Variants in SUPT3H observed in about 807,000 individuals in gnomAD.
SUPT3H encodes the protein SPT3 homolog, SAGA and STAGA complex component.
Under a neutral mutation model 44.3 loss-of-function variants are expected in SUPT3H, and 44 were observed. The observed-to-expected ratio is 0.99, with a 90% CI of 0.78 to 1.28. The LOEUF is 1.28. Among genes scored for constraint, SUPT3H ranks in the 50% most tolerant of loss-of-function variants. The probability of loss-of-function intolerance (pLI) is 0.00; values close to 1 mark genes in which losing one functional copy is unlikely to be tolerated. For synonymous variants in SUPT3H, 124 were observed against 125.6 expected, an observed-to-expected ratio of 0.99 and a Z score of 0.09; for missense variants, 380 against 387.1, an observed-to-expected ratio of 0.98 and a Z score of 0.15.
intron 2 of SUPT3H, among the ~76,000 whole-genome samples, chr6:45,259,262 G>A (rs539943622): frequency 6.6e-6 from 1 of 151,894 alleles, no homozygotes; most frequent in Non-Finnish European, 1.5e-5. Context: ...TTTTCAATTG[G>A]GGGGGAGGGT....
At chr6:44,880,857 C>A (rs138553044) in intron 10 of SUPT3H, among the ~76,000 whole-genome samples, 5 of 152,260 alleles carry the variant, frequency 3.3e-5, no homozygotes, top group Middle Eastern at 3.4e-3. Context: ...AAAATAAAAT[C>A]CTTTACGGAC....
intron 10 of SUPT3H, among the ~76,000 whole-genome samples, chr6:44,835,170 A>G (rs1769594152): frequency 6.6e-6 from 1 of 152,150 alleles, no homozygotes; most frequent in South Asian, 2.1e-4. Flanking sequence ...TGGAAGTCTT[A>G]CTATGGCTAT....
chr6:45,123,767 T>C (rs1802013044), intron 2 of SUPT3H, among the ~76,000 whole-genome samples: 1 of 152,118 alleles, frequency 6.6e-6, no homozygotes, highest in Non-Finnish European at 1.5e-5. Context: ...ACAATGGCCA[T>C]CACAATACCA....
rs576590482 is a variant in SUPT3H, at chr6:45,042,868, G to A, written c.187-22236C>T. ...GCCAAATGTCCAACAATGATAGAAT[G>A]GATTAAGAAAATGTGGAAAATTAGT... On this transcript the variant is annotated intron_variant, in intron 3 of 10. Coordinates refer to ENST00000371459, the MANE Select transcript of SUPT3H (RefSeq NM_003599.4). Among the ~76,000 whole-genome samples the A allele has an allele frequency of 1.2e-4, 18 of 151,974 alleles. No homozygotes were observed. The East Asian group carries it at 3.3e-3, about 28-fold the overall frequency.
intron 2 of SUPT3H, among the ~76,000 whole-genome samples, chr6:45,233,967 A>T (rs548216342): frequency 6.6e-6 from 1 of 152,362 alleles, no homozygotes; most frequent in South Asian, 2.1e-4. Flanking sequence ...ATTACTAAAA[A>T]CAACTAAAAT....
intron 2 of SUPT3H, among the ~76,000 whole-genome samples, chr6:45,289,861 TG>T (rs2149855542): frequency 6.6e-6 from 1 of 152,298 alleles, no homozygotes; most frequent in Admixed American, 6.5e-5. Context: ...GAATTATGAT[TG>T]TTTTTAACAG....
At chr6:45,204,065 T>C (rs928988564) in intron 2 of SUPT3H, among the ~76,000 whole-genome samples, 8 of 151,772 alleles carry the variant, frequency 5.3e-5, no homozygotes, top group African/African-American at 1.9e-4. Context: ...TGGCCAACAT[T>C]GTGAAACCCC....
chr6:45,211,885 C>T (rs1764154276), intron 2 of SUPT3H, among the ~76,000 whole-genome samples: 2 of 150,568 alleles, frequency 1.3e-5, no homozygotes, highest in Non-Finnish European at 3.0e-5. Context: ...ATTCTTCAGC[C>T]AGGCACAGTG....
intron 2 of SUPT3H, among the ~76,000 whole-genome samples, chr6:45,160,977 C>T (rs1808860460): frequency 6.6e-6 from 1 of 152,064 alleles, no homozygotes; most frequent in Admixed American, 6.6e-5. Context: ...GCGGATCCCT[C>T]ATGGCTTAGT....
intron 2 of SUPT3H, among the ~76,000 whole-genome samples, chr6:45,168,894 C>CA (rs1010541648): frequency 1.2e-4 from 19 of 152,070 alleles, no homozygotes; most frequent in Non-Finnish European, 7.4e-5. Flanking sequence ...TAAATTTTTT[C>CA]AAAAAATCAG....
At chr6:44,984,308 T>C (rs960537129) in intron 6 of SUPT3H, among the ~76,000 whole-genome samples, 2 of 152,144 alleles carry the variant, frequency 1.3e-5, no homozygotes, top group African/African-American at 4.8e-5. Flanking sequence ...ACTGGTGGCA[T>C]GTAACCCTCT....
chr6:44,849,290 G>C (rs1308515008), intron 10 of SUPT3H, among the ~76,000 whole-genome samples: 1 of 144,398 alleles, frequency 6.9e-6, no homozygotes, highest in Admixed American at 7.0e-5. Context: ...GCAGTGGCGG[G>C]ATCTCGGCTC....
chr6:45,142,782 A>G (rs1169078103), intron 2 of SUPT3H, among the ~76,000 whole-genome samples: 1 of 142,082 alleles, frequency 7.0e-6, no homozygotes, highest in Non-Finnish European at 1.6e-5. Flanking sequence ...GGCAGAATGC[A>G]TAAAAATCCA....
chr6:45,069,195 A>G (rs144850428), intron 3 of SUPT3H, among the ~76,000 whole-genome samples: 29 of 152,314 alleles, frequency 1.9e-4, no homozygotes, highest in Non-Finnish European at 3.4e-4. Flanking sequence ...TAGTAAAAGA[A>G]GATAACAGAT....
At chr6:44,851,153 T>C (rs1561887001) in intron 10 of SUPT3H, among the ~76,000 whole-genome samples, 2 of 152,228 alleles carry the variant, frequency 1.3e-5, no homozygotes, top group African/African-American at 2.4e-5. Flanking sequence ...GCCCTCCTCA[T>C]AGGAATGGTT....
chr6:45,285,238 G>T (rs1334751269), intron 2 of SUPT3H, among the ~76,000 whole-genome samples: 1 of 151,510 alleles, frequency 6.6e-6, no homozygotes, highest in Non-Finnish European at 1.5e-5. Context: ...GGAAGTTCTG[G>T]CCAGGGCAAT....
At chr6:45,130,353 C>T (rs1287599228) in intron 2 of SUPT3H, among the ~76,000 whole-genome samples, 1 of 152,140 alleles carries the variant, frequency 6.6e-6, no homozygotes, top group Non-Finnish European at 1.5e-5. Context: ...GTTATCACTA[C>T]ATCATCCCTT....
chr6:45,013,483 C>G (rs934951077), intron 5 of SUPT3H, among the ~76,000 whole-genome samples: 11 of 152,070 alleles, frequency 7.2e-5, no homozygotes, highest in African/African-American at 2.2e-4. Context: ...CAATTAACTT[C>G]TCCTGGAAAG....
chr6:44,836,432 G>A (rs149810971), intron 10 of SUPT3H, among the ~76,000 whole-genome samples: 100 of 152,178 alleles, frequency 6.6e-4, no homozygotes, highest in African/African-American at 2.2e-3. Flanking sequence ...TAAATAAGAG[G>A]TCTTCTCCGG....
Sources: allele counts gnomAD v4.1 joint callset (sites outside exome capture counted in the v4.1 genomes callset), GRCh38; gene constraint gnomAD v4.1.1; transcripts MANE v1.5; gene names NCBI Gene and HGNC (gene_info 2026-07-23, HGNC 2026-07-21).